The following GNAL variants were observed in gnomAD, a reference collection of about 807,000 sequenced individuals.
The protein encoded by GNAL is G protein subunit alpha L.
GNAL carries 18 observed loss-of-function variants against 55.1 expected under a neutral mutation model. The ratio of observed to expected loss-of-function variants is 0.33; its 90% CI spans 0.23 to 0.48. The LOEUF (loss-of-function observed/expected upper bound fraction) is 0.48, where lower values mean the gene tolerates loss of function less well. Ranked by LOEUF, GNAL falls within the 20% of genes least tolerant of loss-of-function variation. GNAL has a pLI of 0.99. For synonymous variants in GNAL, 253 were observed against 237.0 expected (o/e 1.07, Z -0.62); for missense variants, 412 against 614.1 (o/e 0.67, Z 3.48).
At chr18:11,783,635 AT>A (rs1210478500) in intron 4 of GNAL, among the ~76,000 whole-genome samples, 1 of 152,220 alleles carries the variant, frequency 6.6e-6, no homozygotes, top group East Asian at 1.9e-4. Flanking sequence ...GTAATTTTGC[AT>A]TTTCTAGCAG....
intron 10 of GNAL, among the ~76,000 whole-genome samples, chr18:11,876,375 A>G (rs1490061224): frequency 6.6e-6 from 1 of 152,124 alleles, no homozygotes; most frequent in Admixed American, 6.6e-5. Flanking sequence ...AGGTGGGAGA[A>G]TCACTTGAAC....
At chr18:11,740,899 C>A (rs2032561983) in intron 1 of GNAL, among the ~76,000 whole-genome samples, 1 of 152,192 alleles carries the variant, frequency 6.6e-6, no homozygotes, top group South Asian at 2.1e-4. Flanking sequence ...AACAGCCCTG[C>A]AAGTTTTAGG....
intron 10 of GNAL, among the ~76,000 whole-genome samples, 177 bp from the exon 11 acceptor site, chr18:11,876,444 G>T (rs1437204883): frequency 6.6e-6 from 1 of 152,130 alleles, no homozygotes; most frequent in African/African-American, 2.4e-5. Context: ...GCCTGGGCAA[G>T]AGAGTGAGAC....
chr18:11,831,703 A>G (rs933813619), intron 5 of GNAL, among the ~76,000 whole-genome samples: 1 of 152,242 alleles, frequency 6.6e-6, no homozygotes, highest in Non-Finnish European at 1.5e-5. Context: ...TCTGCAGCCC[A>G]ATTCCAGAGG....
intron 1 of GNAL, among the ~76,000 whole-genome samples, chr18:11,699,838 C>G (rs1191418269): frequency 6.6e-6 from 1 of 152,158 alleles, no homozygotes; most frequent in Non-Finnish European, 1.5e-5. Context: ...TAGTGTAGCC[C>G]TTCCAGCGCT....
chr18:11,885,394 C>T lies in GNAL; in HGVS notation c.*4259C>T. 2 of 421,460 alleles carry T rather than the reference C, an allele frequency of 4.7e-6. No homozygotes were observed. Among genetic ancestry groups the T allele is most frequent in the African/African-American group, 2.0e-5 (1 of 49,784 alleles). The allele number at this position is 421,460 out of a possible 1,614,324, so 26.1% of individuals were successfully genotyped here. Reference sequence around the variant, plus strand: ...TTGTTTCTTTAGAAAATTAAACACACACAGAGTGTAAGAGGAGAGGATACG... The same window carrying T: ...TTGTTTCTTTAGAAAATTAAACACATACAGAGTGTAAGAGGAGAGGATACG... On this transcript the variant is annotated 3_prime_UTR_variant, in exon 12 of 12. Transcript: ENST00000334049.
intron 1 of GNAL, among the ~76,000 whole-genome samples, chr18:11,717,242 C>G (rs2031991933): frequency 6.6e-6 from 1 of 152,246 alleles, no homozygotes; most frequent in African/African-American, 2.4e-5. Flanking sequence ...ACCCGGAAGT[C>G]ACACTGGCCC....
intron 4 of GNAL, among the ~76,000 whole-genome samples, chr18:11,804,028 ACTGTGTAGTGGTGAAGTACAGGTG>A: frequency 1.4e-5 from 2 of 147,964 alleles, no homozygotes; most frequent in African/African-American, 2.5e-5. Flanking sequence ...ACACGGAGAT[ACTGTGTAGTGGTGAAGTACAGGTG>A]AAGTTTGGAA....
chr18:11,862,951 T>C (rs1166999560), intron 6 of GNAL, among the ~76,000 whole-genome samples: 1 of 151,144 alleles, frequency 6.6e-6, no homozygotes, highest in Non-Finnish European at 1.5e-5. Flanking sequence ...CAATCTCTGC[T>C]CACTGCAACC....
chr18:11,840,990 A>G (rs1468857655), intron 5 of GNAL, among the ~76,000 whole-genome samples: 3 of 149,546 alleles, frequency 2.0e-5, no homozygotes, highest in Non-Finnish European at 4.4e-5. Flanking sequence ...CTCCCACCTC[A>G]GCCACCTGAA....
At chr18:11,736,215 T>C (rs1383040786) in intron 1 of GNAL, among the ~76,000 whole-genome samples, 4 of 152,088 alleles carry the variant, frequency 2.6e-5, no homozygotes, top group Admixed American at 2.6e-4. Flanking sequence ...AGCAACATAG[T>C]GAGACTTCGT....
chr18:11,848,876 C>CT (rs1382944616), intron 5 of GNAL, among the ~76,000 whole-genome samples: 3 of 152,168 alleles, frequency 2.0e-5, no homozygotes, highest in Non-Finnish European at 4.4e-5. Flanking sequence ...TTATTTTATT[C>CT]TTATTAATTC....
intron 1 of GNAL, among the ~76,000 whole-genome samples, chr18:11,694,837 G>T (rs2031359596): frequency 6.6e-6 from 1 of 152,174 alleles, no homozygotes; most frequent in African/African-American, 2.4e-5. Context: ...AGCAGGGTTG[G>T]TTTCTGGTGA....
chr18:11,689,625 C>G lies in GNAL; in HGVS notation c.62C>G (p.Ala21Gly). The change falls in exon 1 of 12, where the codon GCG becomes GGG. Residue 21 changes from alanine (A) to glycine (G), a missense_variant. Physicochemically the swap from Ala to Gly is moderately conservative, Grantham distance 60 (BLOSUM62 0). Transcript: ENST00000334049. ...GGGGGCCCAGGGGACGACCCCTGCGCGGCCTCGGAGCCGCCGGTGGAGGAC... is the reference window on the plus strand; with the variant it reads ...GGGGGCCCAGGGGACGACCCCTGCGGGGCCTCGGAGCCGCCGGTGGAGGAC... The part of the protein sequence containing the change: ...LFGGPGDDPC[A>G]ASEPPVEDAQ... 7.4e-7 allele frequency: 1 copy of G among 1,360,014 alleles called. No homozygotes were observed. The highest frequency in any genetic ancestry group is 1.8e-5 in the South Asian group (1 of 54,630). 84.2% of individuals were successfully genotyped at this position (1,360,014 alleles called of 1,614,324 possible).
chr18:11,739,518 C>T (rs555250514), intron 1 of GNAL, among the ~76,000 whole-genome samples: 1 of 152,320 alleles, frequency 6.6e-6, no homozygotes, highest in East Asian at 1.9e-4. Flanking sequence ...ATCTGCACAG[C>T]AGTTTCATCG....
chr18:11,723,461 A>G (rs2032144505), intron 1 of GNAL, among the ~76,000 whole-genome samples: 1 of 152,244 alleles, frequency 6.6e-6, no homozygotes, highest in Admixed American at 6.5e-5. Flanking sequence ...GACTCTATAG[A>G]CAACCCCAAG....
intron 1 of GNAL, among the ~76,000 whole-genome samples, chr18:11,692,172 C>G (rs2031270249): frequency 6.6e-6 from 1 of 152,122 alleles, no homozygotes; most frequent in Non-Finnish European, 1.5e-5. Flanking sequence ...GGAGCTATTC[C>G]ATGACTTTAG....
At position 11,740,301 on chromosome 18, in the gene GNAL, C is replaced by T. The variant is rs9948600; in HGVS notation, c.377-12552C>T. 9.0e-3 allele frequency among the ~76,000 whole-genome samples: 1,362 copies of T among 152,152 alleles called. 19 individuals carry two copies. The highest frequency in any genetic ancestry group is 0.031 in the African/African-American group (1,296 of 41,484). ...CTTACTTTCCGACATAACAGTGTTC[C>T]AGGTTTAGCTCATAGCTACCCTGCC... On this transcript the variant is annotated intron_variant, in intron 1 of 11. Transcript: ENST00000334049.
At position 11,751,056 on chromosome 18, in the gene GNAL, G is replaced by A. The variant is rs1032190640; in HGVS notation, c.377-1797G>A. Among the ~76,000 whole-genome samples the A allele has an allele frequency of 6.6e-6, 1 of 152,120 alleles. No individual in the cohort carries two copies. Among genetic ancestry groups the A allele is most frequent in the Non-Finnish European group, 1.5e-5 (1 of 68,022 alleles). The stretch of plus-strand genomic sequence containing the variant: ...GCTCCGCAGTGAAGAAGACCGTGTA[G>A]GTTTCTTGGAAGGTGGAGGCACTCG... On this transcript the variant is annotated intron_variant, in intron 1 of 11. Transcript: ENST00000334049. The surrounding 1 kb of genome is among the most constrained non-coding windows in gnomAD (Gnocchi z 4.5).
Sources: allele counts gnomAD v4.1 joint callset (sites outside exome capture counted in the v4.1 genomes callset), GRCh38; gene constraint gnomAD v4.1.1; non-coding constraint Gnocchi (gnomAD v3.1); transcripts MANE v1.5; gene names NCBI Gene and HGNC (gene_info 2026-07-23, HGNC 2026-07-21).